ITCH: variants seen among roughly 807,000 people sequenced by gnomAD.
ITCH encodes E3 ubiquitin-protein ligase Itchy homolog.
In ITCH, 28 loss-of-function variants were observed where a neutral mutation model predicts 126.8. That is an observed-to-expected ratio of 0.22 (90% CI 0.16 to 0.30). The LOEUF (loss-of-function observed/expected upper bound fraction) is 0.30. Among genes scored for constraint, ITCH ranks in the 10% least tolerant of loss-of-function variants. The pLI, the probability that ITCH is intolerant of heterozygous loss-of-function variation, is 1.00. For missense variants in ITCH, 631 were observed against 1,032.4 expected (o/e 0.61, Z 5.33); for synonymous variants, 342 against 340.0 (o/e 1.01, Z -0.06).
intron 9 of ITCH, among the ~76,000 whole-genome samples, chr20:34,441,155 C>T (rs1983699208): frequency 1.3e-5 from 2 of 151,936 alleles, no homozygotes; most frequent in African/African-American, 4.8e-5. Flanking sequence ...GCCTGTAATC[C>T]CAGCTACTCG....
At chr20:34,427,525 G>C in intron 7 of ITCH, among the ~76,000 whole-genome samples, 1 of 152,102 alleles carries the variant, frequency 6.6e-6, no homozygotes, top group East Asian at 1.9e-4. Flanking sequence ...GGTGCCCAAA[G>C]TGGGAGGATC....
In ITCH at chr20:34,510,909, T is replaced by C. The variant is rs1978728121; in HGVS notation, c.*3115T>C. The C allele has an allele frequency of 6.6e-6, 1 of 152,182 alleles. No individual in the cohort carries two copies. Among genetic ancestry groups the C allele is most frequent in the African/African-American group, 2.4e-5 (1 of 41,442 alleles). 9.4% of individuals were successfully genotyped at this position (152,182 alleles called of 1,614,324 possible). ...AAATTTTAGTGAAACTTGACTCAAC[T>C]ATACACAAAGTTCTCATCCTAAATG... On this transcript the variant is annotated 3_prime_UTR_variant, in exon 25 of 25. Transcript: ENST00000374864.
At chr20:34,461,343 G>A (rs2146370732) in intron 13 of ITCH, among the ~76,000 whole-genome samples, 1 of 152,288 alleles carries the variant, frequency 6.6e-6, no homozygotes, top group East Asian at 1.9e-4. Flanking sequence ...ATGATACTCT[G>A]TTAGCAGTAT....
intron 23 of ITCH, among the ~76,000 whole-genome samples, chr20:34,501,376 G>A (rs533737965): frequency 7.5e-4 from 114 of 152,234 alleles, no homozygotes; most frequent in Admixed American, 1.8e-3. Flanking sequence ...TTTAATACAT[G>A]TCTATTTGGG....
chr20:34,428,217 G>A (rs1981807247), intron 7 of ITCH, among the ~76,000 whole-genome samples: 1 of 152,198 alleles, frequency 6.6e-6, no homozygotes, highest in Admixed American at 6.5e-5. Flanking sequence ...ATAATGAGTA[G>A]TAGTCATAGC....
chr20:34,417,089 A>G (rs1429307685), intron 6 of ITCH: 1 of 617,356 alleles, frequency 1.6e-6, no homozygotes, highest in South Asian at 1.5e-5. Flanking sequence ...TTAATTTGCT[A>G]TTTAGGTAGA....
intron 1 of ITCH, among the ~76,000 whole-genome samples, chr20:34,367,988 G>C (rs564713887): frequency 6.6e-6 from 1 of 152,090 alleles, no homozygotes; most frequent in Non-Finnish European, 1.5e-5. Flanking sequence ...ATTTGTGTTA[G>C]GGCCGGGCGC....
At position 34,440,343 on chromosome 20, in the gene ITCH, G is replaced by A. The variant is rs532597401; in HGVS notation, c.868G>A (p.Gly290Ser). Residue 290 changes from glycine (G) to serine (S), a missense_variant and splice_region_variant, in exon 9 of 25, where the codon GGT becomes AGT. Around this residue, in one of 4 missense-constraint regions of ITCH, gnomAD observed 390 missense variants for 731.6 expected, o/e 0.53. Coordinates refer to ENST00000374864, the MANE Select transcript of ITCH (RefSeq NM_031483.7). Reference sequence around the variant, plus strand: ...TGTAACTCAAGCTCCCTTGCCACCTGGGTGAGTAACTTTTTAAATTAACAT... The same window carrying A: ...TGTAACTCAAGCTCCCTTGCCACCTAGGTGAGTAACTTTTTAAATTAACAT... ...NPVTQAPLPP[G>S]WEQRVDQHGR... 2 of 1,610,964 alleles carry A rather than the reference G, an allele frequency of 1.2e-6. No homozygotes were observed. The highest frequency in any genetic ancestry group is 4.5e-5 in the East Asian group (2 of 44,864).
At chr20:34,378,345 G>A (rs538410794) in intron 2 of ITCH, among the ~76,000 whole-genome samples, 10 of 151,558 alleles carry the variant, frequency 6.6e-5, no homozygotes, top group African/African-American at 1.9e-4. Flanking sequence ...GGGTGGTGGC[G>A]CACCTATAAT....
At chr20:34,395,925 G>A (rs1452738681) in intron 3 of ITCH, among the ~76,000 whole-genome samples, 1 of 151,944 alleles carries the variant, frequency 6.6e-6, no homozygotes, top group Non-Finnish European at 1.5e-5. Context: ...GTTTTTGTGA[G>A]AATGTATGTT....
intron 2 of ITCH, among the ~76,000 whole-genome samples, chr20:34,391,430 A>G (rs1267086174): frequency 1.3e-5 from 2 of 152,022 alleles, no homozygotes; most frequent in African/African-American, 2.4e-5. Context: ...CCCCACCCCA[A>G]CTCATGCATG....
intron 16 of ITCH, among the ~76,000 whole-genome samples, chr20:34,474,718 C>T (rs549241864): frequency 4.6e-4 from 70 of 152,140 alleles, no homozygotes; most frequent in Non-Finnish European, 8.7e-4. Context: ...CAGAGGGGCT[C>T]CTCACTTCCC....
chr20:34,447,135 C>G (rs1045985596), intron 11 of ITCH, among the ~76,000 whole-genome samples: 4 of 151,394 alleles, frequency 2.6e-5, no homozygotes. Flanking sequence ...GTTTTGACTA[C>G]TGTAATCCTG....
chr20:34,477,924 T>G, intron 17 of ITCH, 64 bp downstream of exon 17: 5 of 1,597,532 alleles, frequency 3.1e-6, no homozygotes, highest in Non-Finnish European at 4.3e-6. Context: ...TGCACTTCGC[T>G]TGCAAGTATT....
intron 13 of ITCH, among the ~76,000 whole-genome samples, chr20:34,458,347 A>G (rs887380433): frequency 5.3e-5 from 8 of 152,202 alleles, no homozygotes; most frequent in African/African-American, 1.9e-4. Context: ...ATATATGTAC[A>G]TTATCACAAA....
At chr20:34,437,467 A>G (rs1983168313) in intron 7 of ITCH, among the ~76,000 whole-genome samples, 1 of 152,086 alleles carries the variant, frequency 6.6e-6, no homozygotes, top group Non-Finnish European at 1.5e-5. Flanking sequence ...TGCCATGCCC[A>G]GCTACTTTTT....
rs1985705295 is a variant in ITCH, at chr20:34,454,807, T to TTCTTTTC, written c.1211-2582_1211-2576dup. Among the ~76,000 whole-genome samples, 3 of 150,058 alleles carry TTCTTTTC rather than the reference T, an allele frequency of 2.0e-5. No homozygotes were observed. The East Asian group carries it at 5.8e-4, about 29-fold the overall frequency. On this transcript the variant is annotated intron_variant, in intron 12 of 24. Transcript: ENST00000374864. ...AAAAATAGTTACCAATTTTTCTTTT[T>TTCTTTTC]TCTTTTCCTGTTTTTTTTTTTTTTT...
intron 11 of ITCH, among the ~76,000 whole-genome samples, chr20:34,447,815 G>T (rs1256206952): frequency 6.6e-6 from 1 of 152,124 alleles, no homozygotes; most frequent in African/African-American, 2.4e-5. Flanking sequence ...TATATCAGTA[G>T]TGTAATGTAG....
intron 2 of ITCH, 95 bp from the exon 3 acceptor site, chr20:34,393,696 A>G (rs2038566373): frequency 9.9e-6 from 8 of 811,742 alleles, no homozygotes; most frequent in Middle Eastern, 2.2e-4. Context: ...CCTTTGTTAC[A>G]TGGTCTTCAG....
Sources: allele counts gnomAD v4.1 joint callset (sites outside exome capture counted in the v4.1 genomes callset), GRCh38; gene constraint gnomAD v4.1.1; regional missense constraint gnomAD v4.1.1; transcripts MANE v1.5; gene names NCBI Gene and HGNC (gene_info 2026-07-23, HGNC 2026-07-21).